CUL1: variants seen among roughly 807,000 people sequenced by gnomAD.
CUL1 encodes the protein cullin 1, also known as cullin-1.
CUL1 carries 24 observed loss-of-function variants against 118.0 expected under a neutral mutation model. That is an observed-to-expected ratio of 0.20 (90% CI 0.15 to 0.29). The LOEUF is 0.29. Among genes scored for constraint, CUL1 ranks in the 10% least tolerant of loss-of-function variants. CUL1 has a pLI of 1.00. For missense variants in CUL1, 361 were observed against 933.8 expected, an observed-to-expected ratio of 0.39 and a Z score of 7.99; for synonymous variants, 332 against 340.4, an observed-to-expected ratio of 0.98 and a Z score of 0.27.
intron 8 of CUL1, among the ~76,000 whole-genome samples, chr7:148,767,108 C>T (rs1447370783): frequency 6.6e-6 from 1 of 152,172 alleles, no homozygotes; most frequent in Admixed American, 6.5e-5. Flanking sequence ...GATTTTTCTT[C>T]TATGGTCCTC....
At chr7:148,724,466 T>C (rs1240418388) in intron 1 of CUL1, among the ~76,000 whole-genome samples, 3 of 152,192 alleles carry the variant, frequency 2.0e-5, no homozygotes, top group Non-Finnish European at 4.4e-5. Flanking sequence ...TGTGTGTCTG[T>C]GGTAAAAACT....
intron 9 of CUL1, among the ~76,000 whole-genome samples, chr7:148,769,440 CACACACACAA>C (rs1185808152): frequency 3.4e-5 from 5 of 147,678 alleles, no homozygotes; most frequent in Non-Finnish European, 5.9e-5. Context: ...CACACACACA[CACACACACAA>C]AACGCTCACC....
intron 2 of CUL1, among the ~76,000 whole-genome samples, chr7:148,746,791 T>G (rs2129460107): frequency 6.6e-6 from 1 of 152,340 alleles, no homozygotes; most frequent in Non-Finnish European, 1.5e-5. Context: ...GGCAGCATTT[T>G]CTTTTCTTAA....
chr7:148,744,528 T>C (rs181955334), intron 2 of CUL1, among the ~76,000 whole-genome samples: 190 of 152,172 alleles, frequency 1.2e-3, no homozygotes, highest in Middle Eastern at 0.01. Flanking sequence ...TATGACATCA[T>C]AGAAAATGTA....
chr7:148,757,984 A>T lies in CUL1; in HGVS notation c.483+834A>T, dbSNP rs1001647742. 7.9e-5 allele frequency among the ~76,000 whole-genome samples: 12 copies of T among 152,340 alleles called. 1 individual carries two copies. The East Asian group carries it at 2.1e-3, about 27-fold the overall frequency. The stretch of plus-strand genomic sequence containing the variant: ...GGAATTACGGGAGCTATAGTTCAAG[A>T]TGAGATTTGGGTGGGGACATAGCCA... On this transcript the variant is annotated intron_variant, in intron 4 of 21. Transcript: ENST00000325222.
At chr7:148,704,154 CG>C (rs920973525) in intron 1 of CUL1, among the ~76,000 whole-genome samples, 10 of 130,550 alleles carry the variant, frequency 7.7e-5, no homozygotes, top group African/African-American at 2.6e-4. Flanking sequence ...CCAACAAAAG[CG>C]GCCCCCCCCC....
intron 9 of CUL1, among the ~76,000 whole-genome samples, chr7:148,779,998 C>T (rs563154086): frequency 7.9e-5 from 12 of 152,230 alleles, no homozygotes; most frequent in Non-Finnish European, 1.6e-4. Context: ...CCTCGAACGT[C>T]AGACTCCAGG....
intron 2 of CUL1, among the ~76,000 whole-genome samples, chr7:148,740,758 T>C (rs952114925): frequency 6.6e-6 from 1 of 152,142 alleles, no homozygotes; most frequent in African/African-American, 2.4e-5. Context: ...CCTGATAGGA[T>C]TGGTGTCCTT....
intron 1 of CUL1, among the ~76,000 whole-genome samples, chr7:148,715,016 G>C (rs1584761450): frequency 6.6e-6 from 1 of 152,094 alleles, no homozygotes; most frequent in Admixed American, 6.6e-5. Flanking sequence ...CTCCCAAGTT[G>C]TATCTTATTT....
intron 2 of CUL1, among the ~76,000 whole-genome samples, chr7:148,737,450 A>G (rs1452387222): frequency 6.6e-6 from 1 of 151,802 alleles, no homozygotes; most frequent in African/African-American, 2.4e-5. Flanking sequence ...TTCTTTTATA[A>G]CTACAGACGG....
At chr7:148,752,774 G>C (rs368179095) in intron 2 of CUL1, among the ~76,000 whole-genome samples, 1 of 152,032 alleles carries the variant, frequency 6.6e-6, no homozygotes, top group African/African-American at 2.4e-5. Context: ...TCAGCCTCCC[G>C]AGTAGCTGGG....
chr7:148,761,787 G>C (rs538489388), intron 7 of CUL1, among the ~76,000 whole-genome samples: 1 of 152,296 alleles, frequency 6.6e-6, no homozygotes, highest in South Asian at 2.1e-4. Flanking sequence ...ACAGTTTGCT[G>C]ACCCTTGACC....
intron 1 of CUL1, among the ~76,000 whole-genome samples, chr7:148,712,797 C>G (rs1798091514): frequency 6.6e-6 from 1 of 152,220 alleles, no homozygotes; most frequent in East Asian, 1.9e-4. Flanking sequence ...CTGCCAGTGA[C>G]TTGTGGAGCC....
At chr7:148,763,759 G>T (rs376167658) in intron 7 of CUL1, among the ~76,000 whole-genome samples, 61 of 152,278 alleles carry the variant, frequency 4.0e-4, no homozygotes, top group African/African-American at 1.4e-3. Context: ...ATAAAGGGTG[G>T]CAAATCTTAC....
intron 1 of CUL1, among the ~76,000 whole-genome samples, chr7:148,723,952 G>C (rs1234436227): frequency 6.6e-6 from 1 of 152,112 alleles, no homozygotes; most frequent in African/African-American, 2.4e-5. Flanking sequence ...CATAAGACAC[G>C]TTCACTTATC....
At chr7:148,709,029 A>G (rs1797970862) in intron 1 of CUL1, among the ~76,000 whole-genome samples, 1 of 152,270 alleles carries the variant, frequency 6.6e-6, no homozygotes, top group African/African-American at 2.4e-5. Context: ...GAGTATCCAC[A>G]TAGCTTTTTA....
chr7:148,789,421 A>G (rs949535165), intron 14 of CUL1, among the ~76,000 whole-genome samples: 2 of 152,248 alleles, frequency 1.3e-5, no homozygotes, highest in East Asian at 3.9e-4. Context: ...CCTGGCAAGC[A>G]CAGGCGTGGC....
intron 1 of CUL1, among the ~76,000 whole-genome samples, chr7:148,718,009 T>C (rs1018153622): frequency 2.0e-5 from 3 of 152,246 alleles, no homozygotes; most frequent in Non-Finnish European, 4.4e-5. Flanking sequence ...CCCCTCTCTA[T>C]TGGTAATGTC....
rs564960093 is a variant in CUL1, at chr7:148,771,174, T to C, written c.1083+3425T>C. ...TATGTTACACTGAAGCTGTTCTTGA[T>C]GAAATAAACTCCTTTGAGAGGCCAA... On this transcript the variant is annotated intron_variant, in intron 9 of 21. Transcript: ENST00000325222. Among the ~76,000 whole-genome samples, 3 of 152,302 alleles carry C rather than the reference T, an allele frequency of 2.0e-5. No homozygotes were observed. In the South Asian group the frequency reaches 6.2e-4, roughly 32 times the overall value.
Sources: gnomAD v4.1 joint callset for allele counts (sites outside exome capture counted in the v4.1 genomes callset) on GRCh38, gnomAD v4.1.1 for gene constraint, MANE v1.5 for transcripts, NCBI Gene and HGNC (gene_info 2026-07-23, HGNC 2026-07-21) for gene names.